Variants in SEMA3D observed in about 807,000 individuals in gnomAD.
SEMA3D encodes semaphorin-3D.
Under a neutral mutation model 100.1 loss-of-function variants are expected in SEMA3D, and 84 were observed. The observed-to-expected ratio is 0.84, with a 90% CI of 0.70 to 1.01. The LOEUF is 1.01. SEMA3D is among the 50% of genes least tolerant of loss of function. SEMA3D has a pLI of 0.00. For synonymous variants in SEMA3D, 312 were observed against 320.7 expected, an observed-to-expected ratio of 0.97 and a Z score of 0.29; for missense variants, 875 against 934.1, an observed-to-expected ratio of 0.94 and a Z score of 0.82.
chr7:85,139,229 T>A (rs1443004389), intron 2 of SEMA3D, among the ~76,000 whole-genome samples: 1 of 151,974 alleles, frequency 6.6e-6, no homozygotes, highest in African/African-American at 2.4e-5. Context: ...AGACTCTGGA[T>A]TCCTGTGAAA....
At chr7:85,122,890 T>A (rs1789467038) in intron 2 of SEMA3D, among the ~76,000 whole-genome samples, 1 of 152,182 alleles carries the variant, frequency 6.6e-6, no homozygotes, top group Non-Finnish European at 1.5e-5. Context: ...GGTTGTTTTC[T>A]GTAAGATGTA....
rs539644599 is a variant in SEMA3D at position 84,996,165 on chromosome 7, T to G, written c.*3275A>C. 5.9e-5 allele frequency: 9 copies of G among 151,934 alleles called. No homozygotes were observed. The East Asian group carries it at 1.7e-3, about 29-fold the overall frequency. 9.4% of individuals were successfully genotyped at this position (151,934 alleles called of 1,614,324 possible). On this transcript the variant is annotated 3_prime_UTR_variant, in exon 19 of 19. Coordinates refer to ENST00000284136, the MANE Select transcript of SEMA3D (RefSeq NM_001384900.1). ...GAAAATCAGTATTTAATGAATGCTC[T>G]TATTATTTTTTGGACAGCTGAATGA...
chr7:85,098,302 AAC>A (rs1788634273), intron 3 of SEMA3D, among the ~76,000 whole-genome samples: 2 of 151,838 alleles, frequency 1.3e-5, no homozygotes, highest in South Asian at 2.1e-4. Flanking sequence ...ATGTGTGAAA[AAC>A]ACACAGTATT....
the SEMA3D span, among the ~76,000 whole-genome samples, chr7:85,233,637 G>A: frequency 1.3e-5 from 2 of 152,168 alleles, no homozygotes; most frequent in Non-Finnish European, 2.9e-5. Context: ...GTTATTAATA[G>A]TGGTGTTGAA....
chr7:85,171,917 G>A (rs763197794), intron 1 of SEMA3D, among the ~76,000 whole-genome samples: 46 of 151,552 alleles, frequency 3.0e-4, no homozygotes, highest in Non-Finnish European at 6.2e-4. Context: ...AAGGACTCAG[G>A]GAATAGAAAA....
intron 10 of SEMA3D, 142 bp downstream of exon 10, chr7:85,042,029 G>T: frequency 5.9e-6 from 4 of 673,738 alleles, no homozygotes; most frequent in Non-Finnish European, 1.1e-5. Context: ...TGTACTTTGC[G>T]TGTGAATTTT....
At chr7:85,214,490 T>TTTAA in the SEMA3D span, among the ~76,000 whole-genome samples, 1 of 152,060 alleles carries the variant, frequency 6.6e-6, no homozygotes, top group Non-Finnish European at 1.5e-5. Context: ...ATTAAATTAT[T>TTTAA]TTAATTAATT....
chr7:85,126,702 A>G (rs1399099150), intron 2 of SEMA3D, among the ~76,000 whole-genome samples: 2 of 152,062 alleles, frequency 1.3e-5, no homozygotes, highest in South Asian at 4.2e-4. Flanking sequence ...TATTGGTAAC[A>G]TTACTTCCTG....
intron 2 of SEMA3D, chr7:85,141,134 TC>T: frequency 1.0e-6 from 1 of 984,494 alleles, no homozygotes; most frequent in Middle Eastern, 5.2e-4. Flanking sequence ...AGGTGATTTG[TC>T]CAATTTGACG....
chr7:85,166,200 T>A (rs1583983516), intron 1 of SEMA3D, among the ~76,000 whole-genome samples: 1 of 152,004 alleles, frequency 6.6e-6, no homozygotes, highest in Admixed American at 6.6e-5. Flanking sequence ...ATACTTAATG[T>A]TGTTAGTTTT....
chr7:85,029,702 C>G, intron 12 of SEMA3D: 1 of 334,874 alleles, frequency 3.0e-6, no homozygotes. Flanking sequence ...TTAAGACAAC[C>G]CAACTATAGA....
At chr7:85,114,117 G>T (rs1789171506) in intron 3 of SEMA3D, among the ~76,000 whole-genome samples, 2 of 152,278 alleles carry the variant, frequency 1.3e-5, no homozygotes, top group South Asian at 4.1e-4. Flanking sequence ...GAGACAAAAT[G>T]AAAATGTCAA....
At chr7:85,151,598 C>CGTGTGTGT (rs57024733) in intron 2 of SEMA3D, 5 of 849,824 alleles carry the variant, frequency 5.9e-6, no homozygotes, top group South Asian at 1.1e-4. Context: ...TGTGTGTATG[C>CGTGTGTGT]GTGTGTGTGT....
chr7:85,018,276 C>A lies in SEMA3D; in HGVS notation c.1521G>T (p.Leu507Phe). Reference sequence around the variant, plus strand: ...CCTGCTTCAGAGACAATTCCATGTTCAAGATGATTGATGAGTGCTGAAAAT... The same window carrying A: ...CCTGCTTCAGAGACAATTCCATGTTAAAGATGATTGATGAGTGCTGAAAAT... ...LQIFKHSSII[L>F]NMELSLKQQQ... The change falls in exon 15 of 19, where the codon TTG becomes TTT. Residue 507 changes from leucine to phenylalanine, a missense_variant. Coordinates refer to ENST00000284136, the MANE Select transcript of SEMA3D (RefSeq NM_001384900.1). 1.3e-6 allele frequency: 2 copies of A among 1,595,414 alleles called. No homozygotes were observed. Among genetic ancestry groups the A allele is most frequent in the South Asian group, 2.2e-5 (2 of 90,516 alleles).
In SEMA3D at chr7:85,180,893, C is replaced by T. The variant is rs80021295; in HGVS notation, c.-173+5785G>A. Reference sequence around the variant, plus strand: ...TTGTTTGTTTGGTTTCGTTCATTTGCGCGGAGAAGTGATGACTTTCTTTGT... The same window carrying T: ...TTGTTTGTTTGGTTTCGTTCATTTGTGCGGAGAAGTGATGACTTTCTTTGT... On this transcript the variant is annotated intron_variant, in intron 1 of 18. Transcript: ENST00000284136. Among the ~76,000 whole-genome samples the T allele has an allele frequency of 1.1e-4, 17 of 152,062 alleles. No individual in the cohort carries two copies. The East Asian group carries it at 1.4e-3, about 12-fold the overall frequency.
At chr7:85,205,552 G>A in the SEMA3D span, among the ~76,000 whole-genome samples, 1 of 151,610 alleles carries the variant, frequency 6.6e-6, no homozygotes, top group Non-Finnish European at 1.5e-5. Flanking sequence ...ACATCCCTTA[G>A]TTAGAATCAA....
At chr7:85,141,100 G>C (rs1345800569) in intron 2 of SEMA3D, 1 of 974,698 alleles carries the variant, frequency 1.0e-6, no homozygotes, top group East Asian at 1.1e-4. Context: ...AAAAATTTCA[G>C]AGATGTTTCA....
chr7:85,080,711 A>G (rs1023345900), intron 5 of SEMA3D, among the ~76,000 whole-genome samples: 2 of 152,166 alleles, frequency 1.3e-5, no homozygotes, highest in East Asian at 3.9e-4. Flanking sequence ...CCTGAATCAG[A>G]GCACTCGGAT....
At chr7:85,154,523 G>A (rs970641169) in intron 1 of SEMA3D, among the ~76,000 whole-genome samples, 2 of 152,018 alleles carry the variant, frequency 1.3e-5, no homozygotes, top group African/African-American at 4.8e-5. Flanking sequence ...TACCAAGGCT[G>A]ACCAGACATT....
Sources: allele counts gnomAD v4.1 joint callset (sites outside exome capture counted in the v4.1 genomes callset), GRCh38; gene constraint gnomAD v4.1.1; transcripts MANE v1.5; gene names NCBI Gene and HGNC (gene_info 2026-07-23, HGNC 2026-07-21).